The following TAB2 variants were observed in gnomAD, a reference collection of about 807,000 sequenced individuals.
TAB2 encodes the protein TGF-beta activated kinase 1 (MAP3K7) binding protein 2.
In TAB2, 3 loss-of-function variants were observed where a neutral mutation model predicts 65.0. The ratio of observed to expected loss-of-function variants is 0.05; its 90% CI spans 0.02 to 0.12. The LOEUF (loss-of-function observed/expected upper bound fraction) is 0.12. TAB2 is among the 10% of genes least tolerant of loss of function. TAB2 has a pLI of 1.00. For synonymous variants in TAB2, 298 were observed against 285.1 expected (o/e 1.05, Z -0.46); for missense variants, 623 against 840.3 (o/e 0.74, Z 3.20).
chr6:149,259,587 C>T (rs1284873861), intron 1 of TAB2, among the ~76,000 whole-genome samples: 1 of 152,216 alleles, frequency 6.6e-6, no homozygotes, highest in Non-Finnish European at 1.5e-5. Flanking sequence ...TGGCATTTAG[C>T]ATTGCCCAAC....
At chr6:149,256,129 G>A (rs576972005) in intron 1 of TAB2, among the ~76,000 whole-genome samples, 1 of 152,012 alleles carries the variant, frequency 6.6e-6, no homozygotes, top group East Asian at 1.9e-4. Flanking sequence ...TTAAAAAGAA[G>A]GAAAGTTAAT....
At chr6:149,286,346 T>C (rs1247747826) in intron 1 of TAB2, among the ~76,000 whole-genome samples, 1 of 152,202 alleles carries the variant, frequency 6.6e-6, no homozygotes, top group African/African-American at 2.4e-5. Context: ...ACTATTTTCT[T>C]TTTATGGTAA....
At chr6:149,237,951 C>T (rs1777531326) in intron 1 of TAB2, among the ~76,000 whole-genome samples, 1 of 152,200 alleles carries the variant, frequency 6.6e-6, no homozygotes, top group Non-Finnish European at 1.5e-5. Flanking sequence ...ACCTGCTCCC[C>T]AGCCCCACAG....
intron 1 of TAB2, among the ~76,000 whole-genome samples, chr6:149,273,182 A>G (rs993846238): frequency 6.6e-6 from 1 of 152,180 alleles, no homozygotes; most frequent in Non-Finnish European, 1.5e-5. Flanking sequence ...GCAGCAAAGC[A>G]TTATTCAGCC....
intron 1 of TAB2, chr6:149,253,100 C>A (rs894177914): frequency 6.6e-6 from 1 of 152,232 alleles, no homozygotes; most frequent in Non-Finnish European, 1.5e-5. Context: ...AACAAACCAA[C>A]AACAATTATT....
upstream of TAB2, among the ~76,000 whole-genome samples, chr6:149,312,820 T>C (rs479676): frequency 0.44 from 67,292 of 152,122 alleles, 15,291 homozygotes; most frequent in African/African-American, 0.57. Context: ...GGCTGAATTG[T>C]GATAATTAAC....
intron 3 of TAB2, among the ~76,000 whole-genome samples, chr6:149,382,412 A>G (rs9404032): frequency 0.12 from 18,601 of 152,088 alleles, 1,743 homozygotes; most frequent in East Asian, 0.51. Context: ...CCTGGCCAAC[A>G]GGGTGAAACC....
At chr6:149,357,436 C>A (rs1223795842) in intron 1 of TAB2, among the ~76,000 whole-genome samples, 1,949 of 116,758 alleles carry the variant, frequency 0.017, 34 homozygotes, top group Non-Finnish European at 0.022. Flanking sequence ...AAAAAACACA[C>A]ACACACACAC....
In TAB2 at chr6:149,378,010, T is replaced by C; in HGVS notation, c.103-8T>C. The C allele has an allele frequency of 6.2e-7, 1 of 1,611,708 alleles. No homozygotes were observed. The highest frequency in any genetic ancestry group is 8.5e-7 in the Non-Finnish European group (1 of 1,178,220). ...GTTAACATCAATCAATTTATTTTGTTTTCATAGAATAATAATAACCTGGAT... is the reference window on the plus strand; with the variant it reads ...GTTAACATCAATCAATTTATTTTGTCTTCATAGAATAATAATAACCTGGAT... On this transcript the variant is annotated splice_region_variant and splice_polypyrimidine_tract_variant and intron_variant, in intron 2 of 6. Coordinates refer to ENST00000637181, the MANE Select transcript of TAB2 (RefSeq NM_001292034.3).
chr6:149,406,472 A>G (rs1782668308), intron 6 of TAB2, among the ~76,000 whole-genome samples: 1 of 152,230 alleles, frequency 6.6e-6, no homozygotes, highest in African/African-American at 2.4e-5. Flanking sequence ...ACATGTCTAC[A>G]TACTGGTAGG....
At chr6:149,283,359 C>T (rs1160059256) in intron 1 of TAB2, among the ~76,000 whole-genome samples, 1 of 152,072 alleles carries the variant, frequency 6.6e-6, no homozygotes, top group Non-Finnish European at 1.5e-5. Context: ...TTGATAATAC[C>T]TATAACTAAT....
rs570222791 is a variant in TAB2, at chr6:149,340,667, C to G, written c.-90+22652C>G. On this transcript the variant is annotated intron_variant, in intron 1 of 6. Transcript: ENST00000637181. Reference sequence around the variant, plus strand: ...ATTTGATGGTCTTTAAACTGAAAGCCTATTCATATGAGTTACTGAATGGAA... The same window carrying G: ...ATTTGATGGTCTTTAAACTGAAAGCGTATTCATATGAGTTACTGAATGGAA... 2.0e-3 allele frequency among the ~76,000 whole-genome samples: 300 copies of G among 152,198 alleles called. 4 individuals are homozygous for G. Among genetic ancestry groups the G allele is most frequent in the African/African-American group, 7.0e-3 (289 of 41,544 alleles).
At chr6:149,321,619 G>T (rs1276023636) in intron 1 of TAB2, among the ~76,000 whole-genome samples, 1 of 152,148 alleles carries the variant, frequency 6.6e-6, no homozygotes, top group Non-Finnish European at 1.5e-5. Flanking sequence ...CAGCTCCTAC[G>T]TTGAGGTTAT....
chr6:149,279,975 T>C (rs1234508955), intron 1 of TAB2, among the ~76,000 whole-genome samples: 1 of 152,212 alleles, frequency 6.6e-6, no homozygotes, highest in Non-Finnish European at 1.5e-5. Context: ...CTGCCACACA[T>C]CCAGTCAGCA....
chr6:149,279,936 T>C (rs1273214912), intron 1 of TAB2, among the ~76,000 whole-genome samples: 1 of 152,214 alleles, frequency 6.6e-6, no homozygotes, highest in East Asian at 1.9e-4. Context: ...GGAAATCAGT[T>C]TGACCTCATG....
intron 1 of TAB2, among the ~76,000 whole-genome samples, chr6:149,220,249 C>G (rs116473570): frequency 1.3e-5 from 2 of 152,294 alleles, no homozygotes; most frequent in African/African-American, 4.8e-5. Context: ...TTTTTATAAA[C>G]CTTTCAGATA....
At position 149,236,300 on chromosome 6, in the gene TAB2, C is replaced by T. The variant is rs370352142; in HGVS notation, c.-121+17524C>T. Among the ~76,000 whole-genome samples the T allele has an allele frequency of 2.7e-4, 41 of 152,276 alleles. No individual in the cohort carries two copies. The East Asian group carries it at 6.2e-3, about 23-fold the overall frequency. Reference sequence around the variant, plus strand: ...GTCACCCTCATTTGAGGTATTCAAGCGTAAGTCACAGGATCAAACAATAGG... The same window carrying T: ...GTCACCCTCATTTGAGGTATTCAAGTGTAAGTCACAGGATCAAACAATAGG... On this transcript the variant is annotated intron_variant, in intron 1 of 1. Coordinates refer to the TAB2 transcript ENST00000606202.
intron 1 of TAB2, among the ~76,000 whole-genome samples, chr6:149,293,229 AG>A (rs1240837128): frequency 2.0e-5 from 3 of 152,220 alleles, no homozygotes; most frequent in African/African-American, 7.2e-5. Flanking sequence ...TATTTCATTT[AG>A]AAAAAAATCA....
At chr6:149,374,739 A>G (rs918762139) in intron 2 of TAB2, among the ~76,000 whole-genome samples, 1 of 152,226 alleles carries the variant, frequency 6.6e-6, no homozygotes, top group South Asian at 2.1e-4. Flanking sequence ...TGGTCACCAA[A>G]AATTCAAACA....
Sources: allele counts gnomAD v4.1 joint callset (sites outside exome capture counted in the v4.1 genomes callset), GRCh38; gene constraint gnomAD v4.1.1; transcripts MANE v1.5; gene names NCBI Gene and HGNC (gene_info 2026-07-23, HGNC 2026-07-21).